MSRB3: variants seen among roughly 807,000 people sequenced by gnomAD.
MSRB3 encodes the protein methionine sulfoxide reductase B3, also known as methionine-R-sulfoxide reductase B3.
Under a neutral mutation model 21.0 loss-of-function variants are expected in MSRB3, and 13 were observed. The ratio of observed to expected loss-of-function variants is 0.62; its 90% CI spans 0.40 to 0.98. The LOEUF (loss-of-function observed/expected upper bound fraction) is 0.98, where lower values mean the gene tolerates loss of function less well. MSRB3 is among the 50% of genes least tolerant of loss of function. The probability of loss-of-function intolerance (pLI) is 0.00; values close to 1 mark genes in which losing one functional copy is unlikely to be tolerated. For missense variants in MSRB3, 199 were observed against 230.3 expected, an observed-to-expected ratio of 0.86 and a Z score of 0.88; for synonymous variants, 87 against 88.6, an observed-to-expected ratio of 0.98 and a Z score of 0.10.
rs1883586250 is a variant in MSRB3, at chr12:65,466,669, T to C, written c.*3347T>C. 1 of 152,252 alleles carries C rather than the reference T, an allele frequency of 6.6e-6. No homozygotes were observed. The highest frequency in any genetic ancestry group is 2.4e-5 in the African/African-American group (1 of 41,464). 9.4% of individuals were successfully genotyped at this position (152,252 alleles called of 1,614,324 possible). On this transcript the variant is annotated 3_prime_UTR_variant, in exon 7 of 7. Transcript: ENST00000308259. ...TCTTAATGCAAATGACGTAGCAATT[T>C]GAAAACTTCTCCGTATTACTTGTGT...
At chr12:65,422,213 C>G (rs1040270698) in intron 5 of MSRB3, among the ~76,000 whole-genome samples, 1 of 151,632 alleles carries the variant, frequency 6.6e-6, no homozygotes, top group Non-Finnish European at 1.5e-5. Flanking sequence ...CCCAGGAGCA[C>G]CCAGATTCAT....
At chr12:65,318,346 AG>A (rs1299429149) in intron 2 of MSRB3, among the ~76,000 whole-genome samples, 11 of 152,184 alleles carry the variant, frequency 7.2e-5, no homozygotes, top group African/African-American at 2.7e-4. Flanking sequence ...ATAATCTAAG[AG>A]AGGGCTCCTT....
At chr12:65,303,097 T>C (rs1392101963) in intron 1 of MSRB3, among the ~76,000 whole-genome samples, 1 of 152,078 alleles carries the variant, frequency 6.6e-6, no homozygotes, top group Non-Finnish European at 1.5e-5. Flanking sequence ...AGGGGAGCAT[T>C]TTACTAGCTT....
chr12:65,304,861 A>C (rs573684092), intron 1 of MSRB3, among the ~76,000 whole-genome samples: 39 of 152,320 alleles, frequency 2.6e-4, no homozygotes, highest in Admixed American at 1.4e-3. Context: ...TTTGGTCCTC[A>C]AAAGTACATT....
At chr12:65,332,915 T>A (rs1225561613) in intron 4 of MSRB3, among the ~76,000 whole-genome samples, 1 of 152,260 alleles carries the variant, frequency 6.6e-6, no homozygotes, top group East Asian at 1.9e-4. Context: ...TAATGTATAA[T>A]TTATTCCATG....
chr12:65,386,601 A>G (rs1166742554), intron 5 of MSRB3, among the ~76,000 whole-genome samples: 1 of 151,984 alleles, frequency 6.6e-6, no homozygotes, highest in African/African-American at 2.4e-5. Flanking sequence ...CAGTATTGAG[A>G]AGGAACATAT....
intron 6 of MSRB3, 86 bp from the exon 7 acceptor site, chr12:65,463,069 T>G (rs1592660450): frequency 6.8e-7 from 1 of 1,470,826 alleles, no homozygotes; most frequent in Middle Eastern, 2.4e-4. Flanking sequence ...TACAGGCTGG[T>G]CATCCATTTA....
At chr12:65,296,471 A>G (rs904339650) in intron 1 of MSRB3, among the ~76,000 whole-genome samples, 5 of 152,228 alleles carry the variant, frequency 3.3e-5, no homozygotes, top group African/African-American at 1.2e-4. Flanking sequence ...ACATGTTATG[A>G]TCTACATTAT....
At chr12:65,363,495 A>T (rs1287714949) in intron 4 of MSRB3, among the ~76,000 whole-genome samples, 2 of 152,204 alleles carry the variant, frequency 1.3e-5, no homozygotes, top group Non-Finnish European at 2.9e-5. Context: ...TTAATTATTT[A>T]AAAAGCATTC....
At chr12:65,424,885 T>C (rs1377522706) in intron 5 of MSRB3, among the ~76,000 whole-genome samples, 1 of 147,168 alleles carries the variant, frequency 6.8e-6, no homozygotes, top group East Asian at 2.0e-4. Context: ...CTGGATTATC[T>C]GTCCACTATT....
chr12:65,328,600 TTAAG>T lies in MSRB3; in HGVS notation c.263+4_263+7del, dbSNP rs1291135078. On this transcript the variant is annotated splice_donor_variant and coding_sequence_variant, in exon 4 of 7. Transcript: ENST00000308259. LOFTEE classifies it high-confidence loss of function. ...TGTGTTGTTTGTGGAACTCCATTGT[TTAAG>T]TAAGTATGTTGAAAACCTATAGGTA... is the stretch of plus-strand genomic sequence containing the variant. 2.5e-6 allele frequency: 4 copies of T among 1,606,946 alleles called. No homozygotes were observed. Among genetic ancestry groups the T allele is most frequent in the South Asian group, 1.1e-5 (1 of 90,946 alleles).
intron 4 of MSRB3, among the ~76,000 whole-genome samples, chr12:65,349,736 A>G (rs1236125318): frequency 1.4e-4 from 21 of 150,258 alleles, no homozygotes; most frequent in Non-Finnish European, 2.9e-4. Flanking sequence ...CATGTCCTTC[A>G]CCCACTTTTT....
At chr12:65,389,622 C>T (rs1363874774) in intron 5 of MSRB3, among the ~76,000 whole-genome samples, 6 of 152,182 alleles carry the variant, frequency 3.9e-5, no homozygotes, top group African/African-American at 9.7e-5. Flanking sequence ...CTCCATGTCC[C>T]GATCCCTTCC....
chr12:65,420,337 A>G, intron 5 of MSRB3, among the ~76,000 whole-genome samples: 1 of 145,886 alleles, frequency 6.9e-6, no homozygotes, highest in African/African-American at 2.5e-5. Context: ...GCCTTCAGCT[A>G]TTTTTTTTTT....
chr12:65,455,030 A>G (rs541099875), intron 6 of MSRB3, among the ~76,000 whole-genome samples: 1 of 152,338 alleles, frequency 6.6e-6, no homozygotes, highest in South Asian at 2.1e-4. Context: ...AATCTGTTGG[A>G]CATATCAGAG....
chr12:65,371,848 CT>C (rs530220436), intron 5 of MSRB3, among the ~76,000 whole-genome samples: 47 of 151,028 alleles, frequency 3.1e-4, no homozygotes, highest in Non-Finnish European at 2.8e-4. Context: ...TTGCATCTTT[CT>C]TTTTTTTTAC....
chr12:65,298,029 G>A (rs1210537398), intron 1 of MSRB3, among the ~76,000 whole-genome samples: 1 of 151,690 alleles, frequency 6.6e-6, no homozygotes, highest in East Asian at 1.9e-4. Context: ...TTTGAGTCAG[G>A]GCCTCACTTT....
chr12:65,338,241 C>T lies in MSRB3; in HGVS notation c.263+9638C>T, dbSNP rs530005998. Among the ~76,000 whole-genome samples the T allele has an allele frequency of 1.2e-3, 179 of 152,128 alleles. 1 individual carries two copies. Among genetic ancestry groups the T allele is most frequent in the African/African-American group, 4.2e-3 (175 of 41,502 alleles). On this transcript the variant is annotated intron_variant, in intron 4 of 6. Coordinates refer to ENST00000308259, the MANE Select transcript of MSRB3 (RefSeq NM_001031679.3). The stretch of plus-strand genomic sequence containing the variant: ...GTGGTGCAAATGCTTCTGCTGTGGG[C>T]TATTTCAAGTACAGATATGACATCA...
At chr12:65,383,336 G>A (rs906937527) in intron 5 of MSRB3, among the ~76,000 whole-genome samples, 1 of 152,094 alleles carries the variant, frequency 6.6e-6, no homozygotes, top group Admixed American at 6.5e-5. Context: ...ATATACTAAT[G>A]GTAGGGTAGT....
Sources: gnomAD v4.1 joint callset for allele counts (sites outside exome capture counted in the v4.1 genomes callset) on GRCh38, gnomAD v4.1.1 for gene constraint, MANE v1.5 for transcripts, NCBI Gene and HGNC (gene_info 2026-07-23, HGNC 2026-07-21) for gene names.